CDH13: variants seen among roughly 807,000 people sequenced by gnomAD.
CDH13 encodes the protein cadherin-13.
Under a neutral mutation model 63.8 loss-of-function variants are expected in CDH13, and 24 were observed. The ratio of observed to expected loss-of-function variants is 0.38; its 90% CI spans 0.27 to 0.53. The LOEUF (loss-of-function observed/expected upper bound fraction) is 0.53, where lower values mean the gene tolerates loss of function less well. Among genes scored for constraint, CDH13 ranks in the 20% least tolerant of loss-of-function variants. The pLI is 0.85. For missense variants in CDH13, 1,049 were observed against 903.1 expected (o/e 1.16, Z -2.07); for synonymous variants, 503 against 355.3 (o/e 1.42, Z -4.67).
chr16:83,451,203 G>A (rs984473612), intron 6 of CDH13, among the ~76,000 whole-genome samples: 3 of 152,170 alleles, frequency 2.0e-5, no homozygotes, highest in African/African-American at 7.2e-5. Flanking sequence ...AATTTATAAA[G>A]GAAAGAAGTT....
intron 4 of CDH13, among the ~76,000 whole-genome samples, chr16:83,177,844 C>T (rs891925417): frequency 3.3e-5 from 5 of 152,264 alleles, no homozygotes; most frequent in South Asian, 2.1e-4. Context: ...TAATTATTTG[C>T]AGTAGTATTA....
chr16:83,721,304 C>T (rs571997070), intron 10 of CDH13: 2 of 152,360 alleles, frequency 1.3e-5, no homozygotes, highest in African/African-American at 4.8e-5. Context: ...TCTTGTAACC[C>T]ATACCCAGAG....
At chr16:82,718,781 C>T (rs1271012127) in intron 1 of CDH13, among the ~76,000 whole-genome samples, 3 of 152,064 alleles carry the variant, frequency 2.0e-5, no homozygotes, top group East Asian at 3.9e-4. Flanking sequence ...AAAGACCCAG[C>T]CCCATGAATG....
chr16:83,434,259 A>G (rs916222660), intron 6 of CDH13, among the ~76,000 whole-genome samples: 2 of 152,162 alleles, frequency 1.3e-5, no homozygotes, highest in African/African-American at 2.4e-5. Context: ...ACAACATGGG[A>G]GAATCATAGG....
At chr16:82,683,717 C>G (rs1047767265) in intron 1 of CDH13, among the ~76,000 whole-genome samples, 1 of 152,174 alleles carries the variant, frequency 6.6e-6, no homozygotes, top group Non-Finnish European at 1.5e-5. Context: ...ACCAAGCTAT[C>G]CACACCATCT....
rs11865765 is a variant in CDH13, at chr16:82,977,953, C to T, written c.158-54057C>T. On this transcript the variant is annotated intron_variant, in intron 2 of 13. Coordinates refer to ENST00000567109, the MANE Select transcript of CDH13 (RefSeq NM_001257.5). ...ACCAAAATGCTGATAGTGATATGGA[C>T]AATGAAGTCCAAGTTGGGGTGGTCT... is the stretch of plus-strand genomic sequence containing the variant. 7.5e-3 allele frequency among the ~76,000 whole-genome samples: 1,146 copies of T among 152,242 alleles called. 11 individuals are homozygous for T. Among genetic ancestry groups the T allele is most frequent in the African/African-American group, 0.025 (1,028 of 41,542 alleles).
chr16:83,415,297 A>G (rs996155938), intron 6 of CDH13, among the ~76,000 whole-genome samples: 5 of 152,166 alleles, frequency 3.3e-5, no homozygotes, highest in African/African-American at 4.8e-5. Flanking sequence ...ACAAATTCTC[A>G]ACAAAGTAAA....
At chr16:83,709,307 C>T (rs1428683374) in intron 10 of CDH13, among the ~76,000 whole-genome samples, 1 of 152,312 alleles carries the variant, frequency 6.6e-6, no homozygotes. Context: ...TCCACTAGGT[C>T]TGTGGTCTTT....
intron 9 of CDH13, among the ~76,000 whole-genome samples, chr16:83,675,948 T>C (rs1914917497): frequency 1.3e-5 from 2 of 152,204 alleles, no homozygotes; most frequent in African/African-American, 4.8e-5. Flanking sequence ...CCCACTATGG[T>C]CCTGACACTG....
At chr16:83,770,879 C>G (rs1262107249) in intron 11 of CDH13, among the ~76,000 whole-genome samples, 1 of 152,128 alleles carries the variant, frequency 6.6e-6, no homozygotes, top group Non-Finnish European at 1.5e-5. Context: ...CTATCTCATC[C>G]TGTGACTTAG....
At chr16:82,746,730 G>A (rs1011562204) in intron 1 of CDH13, among the ~76,000 whole-genome samples, 1 of 151,824 alleles carries the variant, frequency 6.6e-6, no homozygotes, top group Non-Finnish European at 1.5e-5. Flanking sequence ...TTCCCAAACT[G>A]ATTTCTTAAA....
At chr16:83,075,257 A>G (rs1027150459) in intron 3 of CDH13, among the ~76,000 whole-genome samples, 1 of 152,138 alleles carries the variant, frequency 6.6e-6, no homozygotes, top group African/African-American at 2.4e-5. Context: ...CCTCCCAAAT[A>G]AAAGAGTTTC....
chr16:83,186,750 AG>A (rs2038538456), intron 4 of CDH13, among the ~76,000 whole-genome samples: 1 of 152,066 alleles, frequency 6.6e-6, no homozygotes, highest in African/African-American at 2.4e-5. Context: ...GAAAATCAAA[AG>A]CTTGACTTGA....
chr16:82,705,774 G>C (rs995631617), intron 1 of CDH13, among the ~76,000 whole-genome samples: 1 of 152,192 alleles, frequency 6.6e-6, no homozygotes, highest in East Asian at 1.9e-4. Flanking sequence ...ATTCTGGAGA[G>C]AAGATAGACT....
chr16:83,080,874 T>TTTTTTTG (rs1197108532), intron 3 of CDH13, among the ~76,000 whole-genome samples: 6 of 88,482 alleles, frequency 6.8e-5, no homozygotes, highest in African/African-American at 2.6e-4. Flanking sequence ...TTTTTGTGTT[T>TTTTTTTG]TTTTTTTTTT....
chr16:83,044,347 G>C (rs368030582), intron 3 of CDH13, among the ~76,000 whole-genome samples: 4 of 152,166 alleles, frequency 2.6e-5, no homozygotes, highest in African/African-American at 9.7e-5. Context: ...TAAATTTCCT[G>C]AAATAGCATA....
intron 2 of CDH13, among the ~76,000 whole-genome samples, chr16:82,904,657 A>G (rs1337059568): frequency 6.6e-6 from 1 of 152,200 alleles, no homozygotes; most frequent in Non-Finnish European, 1.5e-5. Context: ...CTGGGTGGGC[A>G]TAGTAGTCTT....
chr16:82,785,025 G>A (rs141812133), intron 1 of CDH13, among the ~76,000 whole-genome samples: 35 of 152,226 alleles, frequency 2.3e-4, no homozygotes, highest in African/African-American at 5.1e-4. Context: ...GTGGGGGCCC[G>A]CTCATGGGTG....
intron 8 of CDH13, among the ~76,000 whole-genome samples, chr16:83,629,714 C>G (rs148673103): frequency 3.8e-4 from 58 of 152,316 alleles, no homozygotes; most frequent in African/African-American, 1.0e-3. Flanking sequence ...TCACTTTGGA[C>G]TAATATCCTC....
Sources: gnomAD v4.1 joint callset for allele counts (sites outside exome capture counted in the v4.1 genomes callset) on GRCh38, gnomAD v4.1.1 for gene constraint, MANE v1.5 for transcripts, NCBI Gene and HGNC (gene_info 2026-07-23, HGNC 2026-07-21) for gene names.